CYP2C19: variants seen among roughly 807,000 people sequenced by gnomAD.
CYP2C19 encodes cytochrome P450 family 2 subfamily C member 19.
Under a neutral mutation model 40.9 loss-of-function variants are expected in CYP2C19, and 59 were observed. The observed-to-expected ratio is 1.44, with a 90% CI of 1.17 to 1.79. CYP2C19 has a LOEUF of 1.79. CYP2C19 is among the 40% of genes most tolerant of loss of function. The pLI is 0.00. For missense variants in CYP2C19, 754 were observed against 596.9 expected, an observed-to-expected ratio of 1.26 and a Z score of -2.74; for synonymous variants, 253 against 208.7, an observed-to-expected ratio of 1.21 and a Z score of -1.83.
chr10:94,804,241 T>G (rs1848803745), intron 5 of CYP2C19, among the ~76,000 whole-genome samples: 1 of 152,062 alleles, frequency 6.6e-6, no homozygotes, highest in Non-Finnish European at 1.5e-5. Context: ...TGGCTGTAAA[T>G]GTCATCACCC....
intron 7 of CYP2C19, among the ~76,000 whole-genome samples, chr10:94,843,648 T>A (rs1849528120): frequency 6.6e-6 from 1 of 152,234 alleles, no homozygotes. Flanking sequence ...TAATCACTAT[T>A]CATAATTTAT....
intron 6 of CYP2C19, among the ~76,000 whole-genome samples, chr10:94,823,371 A>T (rs1229637646): frequency 6.6e-6 from 1 of 152,178 alleles, no homozygotes; most frequent in Non-Finnish European, 1.5e-5. Context: ...AAAAGACATG[A>T]GGTGTAGGCT....
intron 1 of CYP2C19, among the ~76,000 whole-genome samples, chr10:94,765,122 ACTGT>A (rs1324468626): frequency 6.6e-6 from 1 of 152,088 alleles, no homozygotes; most frequent in Non-Finnish European, 1.5e-5. Context: ...TTTCTTGTAA[ACTGT>A]CTGAGAAATT....
intron 6 of CYP2C19, among the ~76,000 whole-genome samples, chr10:94,838,681 G>A (rs539420173): frequency 8.5e-5 from 13 of 152,178 alleles, no homozygotes; most frequent in African/African-American, 3.1e-4. Context: ...TGGGGAAGGA[G>A]TCAGGGGGAC....
chr10:94,829,793 CT>C (rs1849297197), intron 6 of CYP2C19, among the ~76,000 whole-genome samples: 1 of 151,354 alleles, frequency 6.6e-6, no homozygotes, highest in African/African-American at 2.4e-5. Flanking sequence ...GTTTTATCTA[CT>C]TTTGGTCTTT....
intron 5 of CYP2C19, among the ~76,000 whole-genome samples, chr10:94,818,477 G>C (rs1175069863): frequency 6.6e-6 from 1 of 150,602 alleles, no homozygotes; most frequent in African/African-American, 2.4e-5. Flanking sequence ...AAATTACCTT[G>C]GGCAGTATGG....
intron 1 of CYP2C19, among the ~76,000 whole-genome samples, chr10:94,772,586 C>T (rs1453707898): frequency 1.3e-5 from 2 of 152,190 alleles, no homozygotes; most frequent in African/African-American, 4.8e-5. Flanking sequence ...CAGGGTCAAC[C>T]AACTTGTTGT....
At chr10:94,830,832 A>T (rs906068348) in intron 6 of CYP2C19, among the ~76,000 whole-genome samples, 1 of 152,160 alleles carries the variant, frequency 6.6e-6, no homozygotes, top group Non-Finnish European at 1.5e-5. Flanking sequence ...GTTTTGATAC[A>T]GGCATGCAAT....
chr10:94,769,370 C>T (rs1848295773), intron 1 of CYP2C19, among the ~76,000 whole-genome samples: 1 of 152,138 alleles, frequency 6.6e-6, no homozygotes, highest in Non-Finnish European at 1.5e-5. Flanking sequence ...AGACTGTCCA[C>T]ATAAGTTGGG....
intron 3 of CYP2C19, among the ~76,000 whole-genome samples, chr10:94,778,814 G>T (rs952316310): frequency 6.6e-6 from 1 of 152,072 alleles, no homozygotes; most frequent in Non-Finnish European, 1.5e-5. Context: ...ACATACAAAC[G>T]TATGTTTATT....
chr10:94,830,344 A>G (rs1408064075), intron 6 of CYP2C19, among the ~76,000 whole-genome samples: 1 of 152,172 alleles, frequency 6.6e-6, no homozygotes, highest in Non-Finnish European at 1.5e-5. Flanking sequence ...CAGGTGCGGG[A>G]TATAATCTCG....
Position 94,849,958 on chromosome 10 carries a change from C to A in CYP2C19, c.1191C>A (p.Asp397Glu), listed in dbSNP as rs1849627169. ...CTTCCCTCACTTCTGTGCTACATGA[C>A]AACAAAGAATTTCCCAACCCAGAGA... is the stretch of plus-strand genomic sequence containing the variant. Reference protein sequence around the residue: ...ILTSLTSVLHDNKEFPNPEMF... With the variant: ...ILTSLTSVLHENKEFPNPEMF... The change falls in exon 8 of 9, where the codon GAC becomes GAA. Residue 397 changes from aspartate (D) to glutamate (E), a missense_variant. Coordinates refer to ENST00000371321, the MANE Select transcript of CYP2C19 (RefSeq NM_000769.4). 6.2e-7 allele frequency: 1 copy of A among 1,613,702 alleles called. No individual in the cohort carries two copies. The highest frequency in any genetic ancestry group is 1.3e-5 in the African/African-American group (1 of 74,990).
chr10:94,824,610 C>T (rs1849184234), intron 6 of CYP2C19, among the ~76,000 whole-genome samples: 1 of 152,082 alleles, frequency 6.6e-6, no homozygotes, highest in Non-Finnish European at 1.5e-5. Flanking sequence ...TTTTCCAAGA[C>T]AGTAATTTCA....
intron 1 of CYP2C19, among the ~76,000 whole-genome samples, chr10:94,771,819 T>C (rs953512248): frequency 4.6e-5 from 7 of 152,146 alleles, no homozygotes; most frequent in African/African-American, 1.7e-4. Context: ...TGGACCTTGC[T>C]GATCAGAATA....
intron 1 of CYP2C19, among the ~76,000 whole-genome samples, chr10:94,773,481 C>G (rs946277626): frequency 6.6e-6 from 1 of 152,120 alleles, no homozygotes; most frequent in Non-Finnish European, 1.5e-5. Context: ...TTCATTCCTC[C>G]TGGTGGGTTC....
intron 5 of CYP2C19, among the ~76,000 whole-genome samples, chr10:94,782,953 C>T (rs1439487329): frequency 6.6e-6 from 1 of 151,992 alleles, no homozygotes; most frequent in East Asian, 1.9e-4. Context: ...ACACTGGGGC[C>T]TGTCAAGGGG....
intron 5 of CYP2C19, among the ~76,000 whole-genome samples, chr10:94,791,453 A>G (rs538656196): frequency 6.6e-6 from 1 of 151,970 alleles, no homozygotes; most frequent in East Asian, 1.9e-4. Context: ...TTTAATTGTG[A>G]TGTTAGGGTG....
chr10:94,855,517 G>A lies in CYP2C19; in HGVS notation c.*2603G>A, dbSNP rs1043854080. Among the ~76,000 whole-genome samples the A allele has an allele frequency of 2.0e-5, 3 of 152,170 alleles. No homozygotes were observed. The highest frequency in any genetic ancestry group is 2.9e-5 in the Non-Finnish European group (2 of 68,034). ...TACCAGCCACCTGAAACACTGTTTA[G>A]AAGATACTGGCTCAATAAATATTTA... On this transcript the variant is annotated 3_prime_UTR_variant, in exon 9 of 9. Transcript: ENST00000371321.
At chr10:94,848,503 A>G (rs1434342776) in intron 7 of CYP2C19, among the ~76,000 whole-genome samples, 1 of 152,176 alleles carries the variant, frequency 6.6e-6, no homozygotes, top group East Asian at 1.9e-4. Flanking sequence ...GTTTGAAGTC[A>G]GGTAGTGTGA....
Sources: allele counts gnomAD v4.1 joint callset (sites outside exome capture counted in the v4.1 genomes callset), GRCh38; gene constraint gnomAD v4.1.1; transcripts MANE v1.5; gene names NCBI Gene and HGNC (gene_info 2026-07-23, HGNC 2026-07-21).